HELZ: variants seen among roughly 807,000 people sequenced by gnomAD.
The protein encoded by HELZ is helicase with zinc finger.
HELZ carries 23 observed loss-of-function variants against 218.2 expected under a neutral mutation model. That is an observed-to-expected ratio of 0.11 (90% CI 0.08 to 0.15). The LOEUF (loss-of-function observed/expected upper bound fraction) is 0.15. Among genes scored for constraint, HELZ ranks in the 10% least tolerant of loss-of-function variants. The pLI is 1.00. For synonymous variants in HELZ, 814 were observed against 829.4 expected (o/e 0.98, Z 0.32); for missense variants, 1,813 against 2,353.7 (o/e 0.77, Z 4.75).
intron 13 of HELZ, 148 bp from the exon 14 acceptor site, chr17:67,167,944 T>C: frequency 1.5e-6 from 1 of 647,716 alleles, no homozygotes; most frequent in South Asian, 2.5e-5. Context: ...AACTGTATTT[T>C]TCTGCCTTTA....
At chr17:67,203,559 C>A in intron 5 of HELZ, 116 bp from the exon 6 acceptor site, 1 of 1,174,130 alleles carries the variant, frequency 8.5e-7, no homozygotes. Flanking sequence ...AGAGTAACTT[C>A]AAATACTCTA....
At position 67,137,183 on chromosome 17, in the gene HELZ, T is replaced by C. The variant is rs549431657; in HGVS notation, c.2953+748A>G. Among the ~76,000 whole-genome samples the C allele has an allele frequency of 3.9e-5, 6 of 152,308 alleles. No homozygotes were observed. The East Asian group carries it at 1.2e-3, about 29-fold the overall frequency. ...TAGTAACATATCTATTCCCTCACCC[T>C]ATGACAAATCTCAATACAATGCTGA... On this transcript the variant is annotated intron_variant, in intron 22 of 32. Transcript: ENST00000358691.
intron 9 of HELZ, among the ~76,000 whole-genome samples, chr17:67,193,179 C>CA (rs1216838374): frequency 6.6e-5 from 10 of 150,834 alleles, no homozygotes; most frequent in East Asian, 5.9e-4. Context: ...CCCATCTCTA[C>CA]AAAAAAAATA....
intron 31 of HELZ, among the ~76,000 whole-genome samples, chr17:67,103,621 T>C (rs1248321258): frequency 6.6e-6 from 1 of 152,250 alleles, no homozygotes; most frequent in Non-Finnish European, 1.5e-5. Context: ...AAGATGTCCA[T>C]GTTCAGGTAC....
chr17:67,107,490 G>A lies in HELZ; in HGVS notation c.4920C>T (p.Asp1640=). The stretch of plus-strand genomic sequence containing the variant: ...ATGCTGGGTTGCTGGCTACTTCAAT[G>A]TCTCTGCTGTTATCATTAAAGTTAG... ...HFSNFNDNSR[D]IEVASNPAFP... Residue 1640 remains aspartate (D), a synonymous_variant, in exon 31 of 33, where the codon GAC becomes GAT. Transcript: ENST00000358691. 6.2e-7 allele frequency: 1 copy of A among 1,614,180 alleles called. No homozygotes were observed. The highest frequency in any genetic ancestry group is 8.5e-7 in the Non-Finnish European group (1 of 1,180,020).
chr17:67,237,353 T>C (rs144044730), intron 3 of HELZ, among the ~76,000 whole-genome samples: 58 of 152,358 alleles, frequency 3.8e-4, no homozygotes, highest in Non-Finnish European at 6.9e-4. Context: ...TACTTATTTA[T>C]TACTTTAACC....
chr17:67,143,685 G>A (rs1356504922), intron 21 of HELZ, among the ~76,000 whole-genome samples: 1 of 150,974 alleles, frequency 6.6e-6, no homozygotes, highest in Non-Finnish European at 1.5e-5. Flanking sequence ...CCTTGGCATT[G>A]AATTGAAACC....
At chr17:67,171,200 T>C (rs933814520) in intron 13 of HELZ, among the ~76,000 whole-genome samples, 1 of 152,198 alleles carries the variant, frequency 6.6e-6, no homozygotes, top group Admixed American at 6.5e-5. Flanking sequence ...CCAGCCTGCC[T>C]TCCTTCTACT....
chr17:67,138,155 C>T (rs1406629119), intron 21 of HELZ, 41 bp from the exon 22 acceptor site: 1 of 1,445,156 alleles, frequency 6.9e-7, no homozygotes, highest in South Asian at 1.6e-5. Context: ...AAGTTATCAC[C>T]AATGTTTGGA....
chr17:67,094,351 G>GAGAGAGAGAGAT (rs1567794605), intron 31 of HELZ, among the ~76,000 whole-genome samples: 1 of 150,176 alleles, frequency 6.7e-6, no homozygotes, highest in African/African-American at 2.5e-5. Context: ...GAGAGAGAGA[G>GAGAGAGAGAGAT]AGATACAGGC....
chr17:67,204,512 ATCT>A (rs1389564051), intron 5 of HELZ, among the ~76,000 whole-genome samples: 1 of 151,948 alleles, frequency 6.6e-6, no homozygotes, highest in Non-Finnish European at 1.5e-5. Flanking sequence ...GCTTATATTT[ATCT>A]TATTATTGGC....
rs190938162 is a variant in HELZ at position 67,198,722 on chromosome 17, C to A, written c.429+2407G>T. 8.6e-4 allele frequency among the ~76,000 whole-genome samples: 131 copies of A among 152,242 alleles called. 3 individuals are homozygous for A. In the East Asian group the frequency reaches 0.022, roughly 26 times the overall value. On this transcript the variant is annotated intron_variant, in intron 7 of 32. Transcript: ENST00000358691. ...TCCATTAGCATTTACAAGTTAAATA[C>A]CAGCTTAGCCCAATTTTTAAATAAC... is the stretch of plus-strand genomic sequence containing the variant.
intron 21 of HELZ, 140 bp from the exon 22 acceptor site, chr17:67,138,254 G>T (rs2038214021): frequency 3.6e-6 from 2 of 557,380 alleles, no homozygotes; most frequent in Non-Finnish European, 5.8e-6. Context: ...CCCCTAAATG[G>T]GAGTAATGCT....
At chr17:67,214,605 G>GAA (rs897837661) in intron 5 of HELZ, among the ~76,000 whole-genome samples, 1 of 143,456 alleles carries the variant, frequency 7.0e-6, no homozygotes, top group Non-Finnish European at 1.5e-5. Flanking sequence ...AGTAAGCAGG[G>GAA]AAAAAAAAAA....
chr17:67,097,168 T>C (rs912377083), intron 31 of HELZ, among the ~76,000 whole-genome samples: 2 of 152,156 alleles, frequency 1.3e-5, no homozygotes, highest in Non-Finnish European at 2.9e-5. Context: ...ATAACACTGA[T>C]TGCTCAAAAA....
chr17:67,198,895 A>C (rs1167746707), intron 7 of HELZ, among the ~76,000 whole-genome samples: 1 of 152,234 alleles, frequency 6.6e-6, no homozygotes, highest in Non-Finnish European at 1.5e-5. Context: ...AAAATTACAA[A>C]AACTTAAGTC....
chr17:67,234,077 A>G (rs1365595603), intron 3 of HELZ, among the ~76,000 whole-genome samples: 2 of 150,776 alleles, frequency 1.3e-5, no homozygotes, highest in South Asian at 2.1e-4. Context: ...GAGAGAGAGA[A>G]CTTTGGGAGG....
At chr17:67,146,351 A>C (rs2038496857) in intron 20 of HELZ, among the ~76,000 whole-genome samples, 1 of 152,198 alleles carries the variant, frequency 6.6e-6, no homozygotes, top group Admixed American at 6.5e-5. Flanking sequence ...AATACTTACC[A>C]TTGTTTTACA....
intron 7 of HELZ, among the ~76,000 whole-genome samples, chr17:67,199,174 T>C (rs2040103467): frequency 6.6e-6 from 1 of 151,406 alleles, no homozygotes; most frequent in Non-Finnish European, 1.5e-5. Context: ...TATACACTAT[T>C]AGGTTGGTGC....
Sources: gnomAD v4.1 joint callset for allele counts (sites outside exome capture counted in the v4.1 genomes callset) on GRCh38, gnomAD v4.1.1 for gene constraint, MANE v1.5 for transcripts, NCBI Gene and HGNC (gene_info 2026-07-23, HGNC 2026-07-21) for gene names.